MAGI1: variants seen among roughly 807,000 people sequenced by gnomAD.
The protein encoded by MAGI1 is membrane associated guanylate kinase, WW and PDZ domain containing 1, also known as membrane-associated guanylate kinase, WW and PDZ domain-containing protein 1.
MAGI1 carries 58 observed loss-of-function variants against 139.9 expected under a neutral mutation model. The ratio of observed to expected loss-of-function variants is 0.41; its 90% confidence interval spans 0.34 to 0.52. The LOEUF (loss-of-function observed/expected upper bound fraction) is 0.52. Ranked by LOEUF, MAGI1 falls within the 20% of genes least tolerant of loss-of-function variation. The pLI, the probability that MAGI1 is intolerant of heterozygous loss-of-function variation, is 0.12. For synonymous variants in MAGI1, 812 were observed against 737.9 expected, an observed-to-expected ratio of 1.10 and a Z score of -1.63; for missense variants, 1,874 against 1,901.6, an observed-to-expected ratio of 0.99 and a Z score of 0.27.
At chr3:65,881,379 C>T (rs77591331) in intron 1 of MAGI1, among the ~76,000 whole-genome samples, 1 of 152,246 alleles carries the variant, frequency 6.6e-6, no homozygotes, top group South Asian at 2.1e-4. Context: ...GTAATCCCAG[C>T]ACTTTGGGGG....
chr3:65,600,337 C>A (rs986245497), intron 2 of MAGI1, among the ~76,000 whole-genome samples: 1 of 152,050 alleles, frequency 6.6e-6, no homozygotes, highest in African/African-American at 2.4e-5. Context: ...GAAAAATAGC[C>A]GTCATTTTGG....
chr3:65,875,870 T>C (rs1411926127), intron 1 of MAGI1, among the ~76,000 whole-genome samples: 5 of 152,178 alleles, frequency 3.3e-5, no homozygotes, highest in East Asian at 1.9e-4. Flanking sequence ...GTTATCCTCA[T>C]TGCACAGATG....
At chr3:65,510,298 G>A (rs1409641057) in intron 2 of MAGI1, among the ~76,000 whole-genome samples, 1 of 152,216 alleles carries the variant, frequency 6.6e-6, no homozygotes, top group Admixed American at 6.5e-5. Context: ...AACAAAGCTG[G>A]ATGGAGAATG....
At chr3:65,477,711 A>ATTATTATTATT (rs376492339) in intron 4 of MAGI1, among the ~76,000 whole-genome samples, 3 of 141,610 alleles carry the variant, frequency 2.1e-5, no homozygotes, top group Non-Finnish European at 3.1e-5. Context: ...TATTATTATT[A>ATTATTATTATT]TTTTTTTTTT....
intron 1 of MAGI1, among the ~76,000 whole-genome samples, chr3:65,863,992 C>T (rs1042486959): frequency 1.3e-5 from 2 of 152,002 alleles, no homozygotes; most frequent in South Asian, 2.1e-4. Flanking sequence ...TTGTCTTGCT[C>T]TCTAACTACT....
chr3:65,387,216 A>T (rs143586931), intron 14 of MAGI1: 133 of 1,613,660 alleles, frequency 8.2e-5, no homozygotes, highest in Non-Finnish European at 1.1e-4. Context: ...ACGCAGGTGA[A>T]GGTGACATAG....
chr3:65,429,716 G>A lies in MAGI1; in HGVS notation c.1971C>T (p.Ile657=), dbSNP rs767932318. The A allele has an allele frequency of 5.0e-6, 8 of 1,613,908 alleles. No homozygotes were observed. The highest frequency in any genetic ancestry group is 2.7e-5 in the African/African-American group (2 of 75,042). ...VKGPMGFGFT[I]ADSPGGGGQR... The stretch of plus-strand genomic sequence containing the variant: ...GGCCACCCCCACCAGGACTGTCTGC[G>A]ATAGTAAAACCAAAGCCCATTGGCC... Residue 657 remains isoleucine, a synonymous_variant, in exon 12 of 23, where the codon ATC becomes ATT. Coordinates refer to ENST00000402939, the MANE Select transcript of MAGI1 (RefSeq NM_001033057.2).
In MAGI1 at chr3:66,034,047, A is replaced by C. The variant is rs116165007; in HGVS notation, c.313+3949T>G. On this transcript the variant is annotated intron_variant, in intron 1 of 22. Coordinates refer to ENST00000402939, the MANE Select transcript of MAGI1 (RefSeq NM_001033057.2). The stretch of plus-strand genomic sequence containing the variant: ...GATGTCATCTTCTCAATTTTGGTCT[A>C]TACCCTAGTACAGTAGTTCTTAAAA... Among the ~76,000 whole-genome samples the C allele has an allele frequency of 5.8e-3, 884 of 152,284 alleles. 9 individuals are homozygous for C. The highest frequency in any genetic ancestry group is 0.019 in the African/African-American group (801 of 41,552).
At chr3:65,506,575 T>G (rs1483011911) in intron 2 of MAGI1, among the ~76,000 whole-genome samples, 1 of 152,178 alleles carries the variant, frequency 6.6e-6, no homozygotes, top group African/African-American at 2.4e-5. Context: ...CACAACTTTT[T>G]GGATTATCTT....
chr3:65,364,874 T>C lies in MAGI1; in HGVS notation c.3269A>G (p.Gln1090Arg), dbSNP rs1391269180. The change falls in exon 19 of 23, where the codon CAG (glutamine) becomes CGG (arginine). Residue 1090 changes from glutamine to arginine, a missense_variant. Gln to Arg is a conservative substitution (Grantham distance 43). Coordinates refer to ENST00000402939, the MANE Select transcript of MAGI1 (RefSeq NM_001033057.2). ...ATITTTHTPS[Q>R]QGTQETRNTT... Reference sequence around the variant, plus strand: ...TGACCTTGTCTCCTGGGTCCCTTGCTGAGAAGGGGTGTGTGTGGTGGTGAT... The same window carrying C: ...TGACCTTGTCTCCTGGGTCCCTTGCCGAGAAGGGGTGTGTGTGGTGGTGAT... 30 of 1,614,086 alleles carry C rather than the reference T, an allele frequency of 1.9e-5. No homozygotes were observed. Among genetic ancestry groups the C allele is most frequent in the Non-Finnish European group, 2.5e-5 (30 of 1,179,962 alleles).
chr3:65,690,976 G>A (rs913107194), intron 1 of MAGI1, among the ~76,000 whole-genome samples: 5 of 152,056 alleles, frequency 3.3e-5, no homozygotes, highest in Non-Finnish European at 7.4e-5. Context: ...TGACCATCCT[G>A]AGAGTATTTC....
At chr3:65,573,150 T>C (rs2081031445) in intron 2 of MAGI1, among the ~76,000 whole-genome samples, 2 of 152,122 alleles carry the variant, frequency 1.3e-5, no homozygotes, top group African/African-American at 4.8e-5. Context: ...GATACATATA[T>C]AAGGGGTTAA....
intron 2 of MAGI1, among the ~76,000 whole-genome samples, chr3:65,595,785 T>G (rs546592368): frequency 3.7e-4 from 42 of 114,288 alleles, no homozygotes; most frequent in Non-Finnish European, 4.8e-4. Context: ...AGCAAATGGG[T>G]AAGCTTCCGT....
chr3:65,551,359 C>T lies in MAGI1; in HGVS notation c.431-57728G>A, dbSNP rs530177389. On this transcript the variant is annotated intron_variant, in intron 2 of 22. Coordinates refer to ENST00000402939, the MANE Select transcript of MAGI1 (RefSeq NM_001033057.2). ...ACGGTCACCCAGGCTGGAGTGCAGTCGCATGATCTTGGCTCACTGTAGCCT... is the reference window on the plus strand; with the variant it reads ...ACGGTCACCCAGGCTGGAGTGCAGTTGCATGATCTTGGCTCACTGTAGCCT... Among the ~76,000 whole-genome samples, 9 of 152,222 alleles carry T rather than the reference C, an allele frequency of 5.9e-5. No individual in the cohort carries two copies. In the South Asian group the frequency reaches 1.7e-3, roughly 28 times the overall value.
intron 2 of MAGI1, among the ~76,000 whole-genome samples, chr3:65,586,837 C>T (rs891984312): frequency 6.6e-6 from 1 of 151,852 alleles, no homozygotes; most frequent in Non-Finnish European, 1.5e-5. Flanking sequence ...CTTCATTCTG[C>T]ATTCTGGAAA....
intron 2 of MAGI1, among the ~76,000 whole-genome samples, chr3:65,603,112 T>C (rs1186829176): frequency 6.6e-6 from 1 of 152,122 alleles, no homozygotes; most frequent in Non-Finnish European, 1.5e-5. Context: ...TCCTTCCCTT[T>C]TCCTAGCTAC....
intron 1 of MAGI1, among the ~76,000 whole-genome samples, chr3:65,852,302 G>T (rs1274140445): frequency 6.6e-6 from 1 of 151,792 alleles, no homozygotes. Context: ...CACCTGGCCA[G>T]CATCAGTTTT....
intron 2 of MAGI1, among the ~76,000 whole-genome samples, chr3:65,527,973 T>A (rs1038059892): frequency 1.3e-5 from 2 of 152,026 alleles, no homozygotes; most frequent in East Asian, 1.9e-4. Context: ...GGCAATTTTT[T>A]AAAAAGTGGG....
intron 1 of MAGI1, among the ~76,000 whole-genome samples, chr3:66,004,429 C>T (rs72910958): frequency 0.17 from 25,906 of 152,074 alleles, 3,425 homozygotes; most frequent in African/African-American, 0.37. Context: ...TGGGCTTAGT[C>T]TGGGCTTCCT....
Sources: gnomAD v4.1 joint callset for allele counts (sites outside exome capture counted in the v4.1 genomes callset) on GRCh38, gnomAD v4.1.1 for gene constraint, MANE v1.5 for transcripts, NCBI Gene and HGNC (gene_info 2026-07-23, HGNC 2026-07-21) for gene names.